The following PTPRM variants were observed in gnomAD, a reference collection of about 807,000 sequenced individuals.
PTPRM encodes the protein protein tyrosine phosphatase receptor type M, also known as receptor-type tyrosine-protein phosphatase mu.
A neutral mutation model predicts 186.7 loss-of-function variants in PTPRM; 47 were observed. The ratio of observed to expected loss-of-function variants is 0.25; its 90% confidence interval spans 0.20 to 0.32. PTPRM has a LOEUF of 0.32. PTPRM is among the 10% of genes least tolerant of loss of function. The probability of loss-of-function intolerance (pLI) is 1.00; values close to 1 mark genes in which losing one functional copy is unlikely to be tolerated. For synonymous variants in PTPRM, 668 were observed against 674.9 expected, an observed-to-expected ratio of 0.99 and a Z score of 0.16; for missense variants, 1,494 against 1,865.0, an observed-to-expected ratio of 0.80 and a Z score of 3.66.
At chr18:8,195,385 AT>A (rs2093763695) in intron 14 of PTPRM, among the ~76,000 whole-genome samples, 1 of 152,076 alleles carries the variant, frequency 6.6e-6, no homozygotes, top group Admixed American at 6.5e-5. Context: ...ACCATTTTGA[AT>A]GGGTTAGTGA....
intron 14 of PTPRM, among the ~76,000 whole-genome samples, chr18:8,190,949 A>G (rs2093702058): frequency 6.6e-6 from 1 of 152,222 alleles, no homozygotes; most frequent in Non-Finnish European, 1.5e-5. Flanking sequence ...GCAGTTACAG[A>G]CTTGCATAGG....
intron 2 of PTPRM, among the ~76,000 whole-genome samples, chr18:7,805,712 A>ATACTCAG (rs1252315248): frequency 6.6e-6 from 1 of 152,194 alleles, no homozygotes; most frequent in Non-Finnish European, 1.5e-5. Flanking sequence ...TACGAAGTGT[A>ATACTCAG]TACAGAACTG....
intron 1 of PTPRM, among the ~76,000 whole-genome samples, chr18:7,756,420 C>T (rs1043019286): frequency 2.6e-5 from 4 of 152,220 alleles, no homozygotes; most frequent in South Asian, 2.1e-4. Context: ...CAAATTTTCT[C>T]GGATATCAAT....
intron 14 of PTPRM, among the ~76,000 whole-genome samples, chr18:8,192,427 A>C (rs2093721401): frequency 6.6e-6 from 1 of 152,198 alleles, no homozygotes; most frequent in Admixed American, 6.5e-5. Context: ...ATTTTATGCC[A>C]AAATCAAGGT....
chr18:8,328,668 A>G (rs1306652095), intron 22 of PTPRM, among the ~76,000 whole-genome samples: 1 of 152,220 alleles, frequency 6.6e-6, no homozygotes, highest in Non-Finnish European at 1.5e-5. Context: ...ATACAGGCGA[A>G]CAGTGACTCC....
At chr18:8,342,638 A>G (rs1290798771) in intron 22 of PTPRM, among the ~76,000 whole-genome samples, 1 of 152,200 alleles carries the variant, frequency 6.6e-6, no homozygotes, top group Non-Finnish European at 1.5e-5. Context: ...AAAGATTTCT[A>G]CGCTTACATT....
intron 14 of PTPRM, among the ~76,000 whole-genome samples, chr18:8,221,257 T>A (rs2094149981): frequency 1.3e-5 from 2 of 152,266 alleles, no homozygotes; most frequent in Admixed American, 1.3e-4. Context: ...GGAGCCTGTA[T>A]TGTTGTCGCT....
chr18:7,923,866 C>A (rs1038588496), intron 4 of PTPRM, among the ~76,000 whole-genome samples: 1 of 152,148 alleles, frequency 6.6e-6, no homozygotes, highest in Non-Finnish European at 1.5e-5. Flanking sequence ...ATCTGTATAC[C>A]AACTCTGGGG....
At chr18:7,974,895 A>G (rs1366102798) in intron 7 of PTPRM, among the ~76,000 whole-genome samples, 2 of 152,220 alleles carry the variant, frequency 1.3e-5, no homozygotes, top group African/African-American at 2.4e-5. Context: ...CAGTAATGAC[A>G]GTGTATATCA....
intron 23 of PTPRM, among the ~76,000 whole-genome samples, chr18:8,352,543 G>A (rs956007875): frequency 3.3e-5 from 5 of 151,412 alleles, no homozygotes; most frequent in African/African-American, 4.9e-5. Flanking sequence ...AGTATATTTG[G>A]TTTTGTTTCT....
chr18:7,792,734 G>A (rs1258199310), intron 2 of PTPRM, among the ~76,000 whole-genome samples: 1 of 151,948 alleles, frequency 6.6e-6, no homozygotes, highest in Admixed American at 6.6e-5. Flanking sequence ...GTGCGATCAC[G>A]GCTTACTGCA....
rs2090555034 is a variant in PTPRM, at chr18:8,088,651, C to T, written c.1754-98C>T. The T allele has an allele frequency of 3.2e-6, 3 of 945,094 alleles. No homozygotes were observed. The South Asian group carries it at 4.1e-5, about 13-fold the overall frequency. 58.5% of individuals were successfully genotyped at this position (945,094 alleles called of 1,614,324 possible). On this transcript the variant is annotated intron_variant, in intron 10 of 32. Coordinates refer to ENST00000580170, the MANE Select transcript of PTPRM (RefSeq NM_001105244.2). ...TGATAGCTGCAATGTAAAGTAAATGCACTGTGTTCTTAATGCTCTTTGTAA... is the reference window on the plus strand; with the variant it reads ...TGATAGCTGCAATGTAAAGTAAATGTACTGTGTTCTTAATGCTCTTTGTAA...
intron 1 of PTPRM, among the ~76,000 whole-genome samples, chr18:7,592,549 G>A (rs1276441822): frequency 6.6e-6 from 1 of 152,152 alleles, no homozygotes; most frequent in Non-Finnish European, 1.5e-5. Context: ...GTCTCCTGAC[G>A]CTACCCCCAG....
chr18:8,009,147 T>C (rs1309115313), intron 7 of PTPRM, among the ~76,000 whole-genome samples: 1 of 152,164 alleles, frequency 6.6e-6, no homozygotes, highest in African/African-American at 2.4e-5. Context: ...TTCTCCGATA[T>C]AGCTTCATCT....
intron 3 of PTPRM, among the ~76,000 whole-genome samples, chr18:7,894,274 T>G (rs1345101325): frequency 6.6e-6 from 1 of 152,310 alleles, no homozygotes; most frequent in Middle Eastern, 3.4e-3. Context: ...ATTATATTTC[T>G]GATTCCAAAA....
intron 5 of PTPRM, among the ~76,000 whole-genome samples, chr18:7,939,829 A>G (rs2052054881): frequency 6.6e-6 from 1 of 152,148 alleles, no homozygotes; most frequent in African/African-American, 2.4e-5. Flanking sequence ...TCCTTCTGTC[A>G]CGCTATTAAG....
intron 14 of PTPRM, among the ~76,000 whole-genome samples, chr18:8,206,494 C>T (rs1022948524): frequency 2.0e-5 from 3 of 152,000 alleles, no homozygotes; most frequent in Admixed American, 6.6e-5. Context: ...ATCATCTGCC[C>T]GCCTCAGCCT....
At chr18:7,947,106 G>T in intron 5 of PTPRM, 1 of 430,428 alleles carries the variant, frequency 2.3e-6, no homozygotes, top group South Asian at 1.7e-5. Context: ...GCACTCTTAA[G>T]TCATATTCCT....
chr18:8,302,798 G>T (rs1201797319), intron 20 of PTPRM, among the ~76,000 whole-genome samples: 1 of 151,856 alleles, frequency 6.6e-6, no homozygotes, highest in Non-Finnish European at 1.5e-5. Flanking sequence ...AGGATGGATG[G>T]GCCATTCCCT....
Sources: allele counts gnomAD v4.1 joint callset (sites outside exome capture counted in the v4.1 genomes callset), GRCh38; gene constraint gnomAD v4.1.1; transcripts MANE v1.5; gene names NCBI Gene and HGNC (gene_info 2026-07-23, HGNC 2026-07-21).